PPP1R9A: variants seen among roughly 807,000 people sequenced by gnomAD.
PPP1R9A encodes the protein protein phosphatase 1 regulatory subunit 9A, also known as neurabin-1.
In PPP1R9A, 59 loss-of-function variants were observed where a neutral mutation model predicts 141.9. The observed-to-expected ratio is 0.42, with a 90% confidence interval of 0.34 to 0.52. The LOEUF is 0.52. Ranked by LOEUF, PPP1R9A falls within the 20% of genes least tolerant of loss-of-function variation. The pLI, the probability that PPP1R9A is intolerant of heterozygous loss-of-function variation, is 0.10. For missense variants in PPP1R9A, 1,444 were observed against 1,611.9 expected, an observed-to-expected ratio of 0.90 and a Z score of 1.78; for synonymous variants, 500 against 569.7, an observed-to-expected ratio of 0.88 and a Z score of 1.74.
intron 2 of PPP1R9A, among the ~76,000 whole-genome samples, chr7:94,941,845 T>C (rs546517798): frequency 4.1e-4 from 63 of 152,196 alleles, no homozygotes; most frequent in Non-Finnish European, 8.5e-4. Context: ...GAAAAAAAAA[T>C]CATTGAATTT....
chr7:95,157,496 AC>A (rs1829819169), intron 4 of PPP1R9A, among the ~76,000 whole-genome samples: 1 of 151,876 alleles, frequency 6.6e-6, no homozygotes, highest in Admixed American at 6.6e-5. Flanking sequence ...GGGAGTTCCC[AC>A]CCCACCTCAG....
chr7:95,036,261 A>T (rs1808411158), intron 2 of PPP1R9A: 1 of 152,238 alleles, frequency 6.6e-6, no homozygotes, highest in Non-Finnish European at 1.5e-5. Flanking sequence ...GGGGATTTTC[A>T]TGAAACTTTA....
intron 2 of PPP1R9A, among the ~76,000 whole-genome samples, chr7:94,916,693 G>T (rs1260641546): frequency 6.6e-6 from 1 of 152,248 alleles, no homozygotes; most frequent in Non-Finnish European, 1.5e-5. Flanking sequence ...AATGGAATCA[G>T]AAATTTCATT....
intron 2 of PPP1R9A, among the ~76,000 whole-genome samples, chr7:94,929,901 A>G (rs1489883036): frequency 6.6e-6 from 1 of 152,166 alleles, no homozygotes; most frequent in East Asian, 1.9e-4. Context: ...GTGTGAAATT[A>G]ACTTTTAAGT....
intron 2 of PPP1R9A, among the ~76,000 whole-genome samples, chr7:94,914,908 C>T (rs1343666401): frequency 1.3e-5 from 2 of 152,170 alleles, no homozygotes; most frequent in African/African-American, 4.8e-5. Context: ...CTGTTCCCAA[C>T]TCTGTGCTTT....
chr7:94,957,638 C>T lies in PPP1R9A; in HGVS notation c.1395+46130C>T, dbSNP rs369154773. Reference sequence around the variant, plus strand: ...TGAAATTATAGGATTTGGGAGCAAACGTTCATCTTTTAACAAAAGAAAGAA... The same window carrying T: ...TGAAATTATAGGATTTGGGAGCAAATGTTCATCTTTTAACAAAAGAAAGAA... On this transcript the variant is annotated intron_variant, in intron 2 of 19. Transcript: ENST00000433360. 5.3e-5 allele frequency among the ~76,000 whole-genome samples: 8 copies of T among 152,036 alleles called. No individual in the cohort carries two copies. The East Asian group carries it at 9.8e-4, about 19-fold the overall frequency.
chr7:94,953,760 T>C (rs969052545), intron 2 of PPP1R9A, among the ~76,000 whole-genome samples: 21 of 152,154 alleles, frequency 1.4e-4, no homozygotes, highest in Admixed American at 7.9e-4. Flanking sequence ...GCTCTCTGTT[T>C]GTCTATTATT....
At chr7:95,180,915 A>G (rs1833649924) in intron 5 of PPP1R9A, among the ~76,000 whole-genome samples, 1 of 152,042 alleles carries the variant, frequency 6.6e-6, no homozygotes, top group African/African-American at 2.4e-5. Flanking sequence ...ACACTTCTAC[A>G]CTGCTGGTGG....
chr7:95,162,079 A>AT (rs1433864787), intron 5 of PPP1R9A, 108 bp downstream of exon 5: 8 of 606,634 alleles, frequency 1.3e-5, no homozygotes, highest in Non-Finnish European at 1.9e-5. Context: ...TTTTACCTGA[A>AT]TAGTAAAACT....
intron 4 of PPP1R9A, among the ~76,000 whole-genome samples, chr7:95,129,397 C>T (rs1184434029): frequency 6.6e-6 from 1 of 152,188 alleles, no homozygotes. Context: ...TGTCATTCAC[C>T]TTCTGCCATG....
intron 5 of PPP1R9A, among the ~76,000 whole-genome samples, chr7:95,171,286 T>A (rs568909265): frequency 8.0e-4 from 122 of 151,700 alleles, no homozygotes; most frequent in African/African-American, 2.9e-3. Flanking sequence ...AGGCAGAGAT[T>A]GTCATATTAT....
intron 2 of PPP1R9A, among the ~76,000 whole-genome samples, chr7:94,924,131 CTT>C (rs1278699857): frequency 6.6e-6 from 1 of 152,080 alleles, no homozygotes; most frequent in Non-Finnish European, 1.5e-5. Context: ...AATTTTGACT[CTT>C]TTCTATAAAA....
intron 16 of PPP1R9A, among the ~76,000 whole-genome samples, chr7:95,277,099 G>A (rs183962739): frequency 2.6e-5 from 4 of 152,268 alleles, no homozygotes; most frequent in Non-Finnish European, 2.9e-5. Flanking sequence ...AGGATCCTTG[G>A]ACTGAGTAAT....
intron 2 of PPP1R9A, among the ~76,000 whole-genome samples, chr7:94,933,656 T>C (rs1272392813): frequency 1.3e-5 from 2 of 152,206 alleles, no homozygotes; most frequent in East Asian, 3.8e-4. Context: ...ATAGATAACA[T>C]TCACCATACC....
intron 2 of PPP1R9A, among the ~76,000 whole-genome samples, chr7:95,003,374 G>A (rs937742360): frequency 1.3e-5 from 2 of 152,004 alleles, no homozygotes; most frequent in Non-Finnish European, 2.9e-5. Flanking sequence ...TAGAAAACAT[G>A]GTAACTCAAC....
intron 2 of PPP1R9A, among the ~76,000 whole-genome samples, chr7:95,109,537 T>A (rs1820162750): frequency 6.6e-6 from 1 of 152,166 alleles, no homozygotes; most frequent in African/African-American, 2.4e-5. Flanking sequence ...GTTGTAAGTA[T>A]GACAATGTAA....
chr7:95,112,535 T>A (rs1039196422), intron 3 of PPP1R9A, among the ~76,000 whole-genome samples: 2 of 152,214 alleles, frequency 1.3e-5, no homozygotes, highest in African/African-American at 4.8e-5. Context: ...AACTATCATT[T>A]GACCAAGCAC....
intron 5 of PPP1R9A, among the ~76,000 whole-genome samples, chr7:95,170,891 A>T (rs1832009870): frequency 6.6e-6 from 1 of 151,600 alleles, no homozygotes; most frequent in African/African-American, 2.4e-5. Context: ...GTTGTTTGAG[A>T]TTTATAATAT....
chr7:95,133,541 A>ATATG (rs1491070254), intron 4 of PPP1R9A, among the ~76,000 whole-genome samples: 2 of 136,810 alleles, frequency 1.5e-5, no homozygotes, highest in African/African-American at 5.4e-5. Context: ...ATATATATAT[A>ATATG]TGCACATCAT....
Sources: gnomAD v4.1 joint callset for allele counts (sites outside exome capture counted in the v4.1 genomes callset) on GRCh38, gnomAD v4.1.1 for gene constraint, MANE v1.5 for transcripts, NCBI Gene and HGNC (gene_info 2026-07-23, HGNC 2026-07-21) for gene names.